The following FRMPD4 variants were observed in gnomAD, a reference collection of about 807,000 sequenced individuals.
FRMPD4 encodes the protein FERM and PDZ domain-containing protein 4.
In FRMPD4, 22 loss-of-function variants were observed where a neutral mutation model predicts 94.1. That is an observed-to-expected ratio of 0.23 (90% confidence interval 0.17 to 0.33). The LOEUF (loss-of-function observed/expected upper bound fraction) is 0.33, where lower values mean the gene tolerates loss of function less well. Ranked by LOEUF, FRMPD4 falls within the 10% of genes least tolerant of loss-of-function variation. FRMPD4 has a pLI of 1.00. For missense variants in FRMPD4, 1,111 were observed against 1,339.9 expected, an observed-to-expected ratio of 0.83 and a Z score of 2.67; for synonymous variants, 631 against 548.6, an observed-to-expected ratio of 1.15 and a Z score of -2.10.
chrX:12,125,332 G>A (rs1280200256), intron 3 of FRMPD4, among the ~76,000 whole-genome samples: 6 of 111,993 alleles, frequency 5.4e-5, no homozygotes, highest in Non-Finnish European at 1.1e-4. Flanking sequence ...TTAAAAAACT[G>A]GAATGAAACC....
At chrX:12,240,651 T>G (rs1018930851) in intron 1 of FRMPD4, among the ~76,000 whole-genome samples, 1 of 112,353 alleles carries the variant, frequency 8.9e-6, no homozygotes, top group African/African-American at 3.2e-5. Context: ...AACTGGTTTG[T>G]TTTTTGGTTT....
chrX:11,922,426 C>T (rs1192452082), intron 3 of FRMPD4, among the ~76,000 whole-genome samples: 1 of 111,698 alleles, frequency 9.0e-6, no homozygotes, highest in Non-Finnish European at 1.9e-5. Context: ...AACCTACCCC[C>T]ATCATCCAGT....
chrX:11,942,319 C>T (rs1237503398), intron 3 of FRMPD4, among the ~76,000 whole-genome samples: 1 of 106,434 alleles, frequency 9.4e-6, no homozygotes, highest in African/African-American at 3.4e-5. Flanking sequence ...AAGTGATCCT[C>T]CTGCCTCAGC....
At chrX:12,269,911 T>C (rs1303451380) in intron 1 of FRMPD4, among the ~76,000 whole-genome samples, 1 of 112,504 alleles carries the variant, frequency 8.9e-6, no homozygotes, top group African/African-American at 3.2e-5. Flanking sequence ...ATTTGAACCA[T>C]GTTTAACTTA....
In FRMPD4 at chrX:12,238,547, G is replaced by T. The variant is rs1000288482; in HGVS notation, c.41+99535G>T. Among the ~76,000 whole-genome samples, 6 of 112,036 alleles carry T rather than the reference G, an allele frequency of 5.4e-5. No homozygotes were observed. In the East Asian group the frequency reaches 1.4e-3, roughly 26 times the overall value. On this transcript the variant is annotated intron_variant, in intron 1 of 16. Transcript: ENST00000675598. ...GTGTTGATAAAACTTTTCTTTAAAC[G>T]TTGTGTCAGTATTATCTGTCATAAT...
intron 1 of FRMPD4, among the ~76,000 whole-genome samples, chrX:12,296,337 A>G (rs1287207536): frequency 8.9e-6 from 1 of 112,134 alleles, no homozygotes; most frequent in Non-Finnish European, 1.9e-5. Context: ...ATGCCACAAG[A>G]ATCACAGCCA....
At chrX:12,524,897 T>C (rs182348602) in intron 2 of FRMPD4, among the ~76,000 whole-genome samples, 11 of 111,990 alleles carry the variant, frequency 9.8e-5, no homozygotes, top group Admixed American at 9.5e-4. Context: ...CAGCTTTGAA[T>C]GTGGCCTAAC....
chrX:12,039,982 A>G lies in FRMPD4; in HGVS notation c.95+161964A>G, dbSNP rs865874771. On this transcript the variant is annotated intron_variant, in intron 3 of 18. Transcript: ENST00000640291. ...AAAACTTTGTCAAAAAAAAAAAAAA[A>G]AAGAAAAAAAAAGAAAAAAGAATGT... Among the ~76,000 whole-genome samples, 14 of 105,292 alleles carry G rather than the reference A, an allele frequency of 1.3e-4. No individual in the cohort carries two copies. The Middle Eastern group carries it at 0.014, about 109-fold the overall frequency. 91.4% of individuals were successfully genotyped at this position (105,292 alleles called of 115,157 possible). A position where few individuals can be genotyped will look rare whatever the true frequency, so the allele number is the denominator to read the frequency against.
chrX:11,926,332 C>T (rs769654935), intron 3 of FRMPD4, among the ~76,000 whole-genome samples: 5 of 103,744 alleles, frequency 4.8e-5, no homozygotes, highest in South Asian at 4.3e-4. Context: ...TGTACAAAGA[C>T]GAGCTGGTAC....
At chrX:12,081,005 A>T (rs1160949828) in intron 3 of FRMPD4, among the ~76,000 whole-genome samples, 2 of 112,060 alleles carry the variant, frequency 1.8e-5, no homozygotes, top group African/African-American at 6.5e-5. Flanking sequence ...TACCTACAGG[A>T]AACTTTATCA....
chrX:12,203,795 A>G lies in FRMPD4; in HGVS notation c.41+64783A>G, dbSNP rs772447172. 7.1e-5 allele frequency among the ~76,000 whole-genome samples: 8 copies of G among 112,185 alleles called. No individual in the cohort carries two copies. In the Admixed American group the frequency reaches 7.6e-4, roughly 11 times the overall value. On this transcript the variant is annotated intron_variant, in intron 1 of 16. Transcript: ENST00000675598. ...ATTTTTTTCCCCCAGGACAATTTGT[A>G]CTTTCACAAGAACAAAGATTTGATT... is the stretch of plus-strand genomic sequence containing the variant.
chrX:12,466,522 C>G (rs1418307485), intron 1 of FRMPD4, among the ~76,000 whole-genome samples: 1 of 112,377 alleles, frequency 8.9e-6, no homozygotes, highest in African/African-American at 3.2e-5. Context: ...TTCTGTCTTG[C>G]CCAGAAGTTT....
chrX:12,530,548 T>C (rs1271926655), intron 2 of FRMPD4, among the ~76,000 whole-genome samples: 2 of 110,626 alleles, frequency 1.8e-5, no homozygotes, highest in Non-Finnish European at 3.8e-5. Flanking sequence ...TCAAGGAGAA[T>C]TGACAACAAT....
At chrX:12,551,034 T>A (rs990285611) in intron 2 of FRMPD4, among the ~76,000 whole-genome samples, 1 of 111,180 alleles carries the variant, frequency 9.0e-6, no homozygotes, top group African/African-American at 3.3e-5. Context: ...CTATTATTTT[T>A]ATGTGTCCTT....
At chrX:12,391,662 C>T (rs1439646777) in intron 1 of FRMPD4, among the ~76,000 whole-genome samples, 6 of 111,319 alleles carry the variant, frequency 5.4e-5, no homozygotes, top group Non-Finnish European at 1.1e-4. Flanking sequence ...TTCTGCACCA[C>T]GACTCTGTCC....
chrX:12,315,015 G>T (rs1289154324), intron 1 of FRMPD4, among the ~76,000 whole-genome samples: 2 of 112,272 alleles, frequency 1.8e-5, no homozygotes, highest in East Asian at 5.5e-4. Flanking sequence ...TCTTTAATGT[G>T]CAGGCATTTG....
At chrX:12,349,890 T>C (rs1203582025) in intron 1 of FRMPD4, among the ~76,000 whole-genome samples, 1 of 111,562 alleles carries the variant, frequency 9.0e-6, no homozygotes, top group African/African-American at 3.3e-5. Flanking sequence ...TATGAAGCAA[T>C]AGAGGCTTAA....
chrX:12,199,267 G>GTGTA (rs200023135), intron 1 of FRMPD4, among the ~76,000 whole-genome samples: 16 of 99,882 alleles, frequency 1.6e-4, no homozygotes, highest in African/African-American at 6.6e-4. Flanking sequence ...GTGTGTGTGT[G>GTGTA]TGTATGTGTG....
At chrX:12,062,359 A>G (rs1354858091) in intron 3 of FRMPD4, among the ~76,000 whole-genome samples, 2 of 112,033 alleles carry the variant, frequency 1.8e-5, no homozygotes, top group Non-Finnish European at 3.8e-5. Context: ...AAAATGCCCA[A>G]TTTTCTCAAT....
Sources: allele counts gnomAD v4.1 joint callset (sites outside exome capture counted in the v4.1 genomes callset), GRCh38; gene constraint gnomAD v4.1.1; transcripts MANE v1.5; gene names NCBI Gene and HGNC (gene_info 2026-07-23, HGNC 2026-07-21).